ADAR: variants seen among roughly 807,000 people sequenced by gnomAD.
ADAR encodes adenosine deaminase RNA specific.
ADAR carries 41 observed loss-of-function variants against 113.2 expected under a neutral mutation model. That is an observed-to-expected ratio of 0.36 (90% CI 0.28 to 0.47). ADAR has a LOEUF of 0.47. Ranked by LOEUF, ADAR falls within the 20% of genes least tolerant of loss-of-function variation. The pLI, the probability that ADAR is intolerant of heterozygous loss-of-function variation, is 1.00. For missense variants in ADAR, 1,242 were observed against 1,540.9 expected, an observed-to-expected ratio of 0.81 and a Z score of 3.25; for synonymous variants, 605 against 572.6, an observed-to-expected ratio of 1.06 and a Z score of -0.81.
chr1:154,612,305 A>T (rs975861685), upstream of ADAR, among the ~76,000 whole-genome samples: 2 of 150,748 alleles, frequency 1.3e-5, no homozygotes, highest in Non-Finnish European at 2.9e-5. Context: ...CAAAGAAAGT[A>T]ATAAATTACT....
rs1432422003 is a variant in ADAR, at chr1:154,583,865, TG to T, written c.*940del. ...TAAGTCATGATTATCTGAGCAGAGATGATTTTATACCCTCTAGGATTTGTCC... is the reference window on the plus strand; with the variant it reads ...TAAGTCATGATTATCTGAGCAGAGATATTTTATACCCTCTAGGATTTGTCC... On this transcript the variant is annotated 3_prime_UTR_variant, in exon 15 of 15. Transcript: ENST00000368474. 1 of 152,250 alleles carries T rather than the reference TG, an allele frequency of 6.6e-6. No homozygotes were observed. The highest frequency in any genetic ancestry group is 2.4e-5 in the African/African-American group (1 of 41,462). The allele number at this position is 152,250 out of a possible 1,614,324, so 9.4% of individuals were successfully genotyped here.
At chr1:154,598,078 G>A (rs1006485770) in intron 3 of ADAR, 102 bp from the exon 4 acceptor site, 190 of 1,399,904 alleles carry the variant, frequency 1.4e-4, no homozygotes, top group Non-Finnish European at 1.8e-4. Context: ...CCCACCACCT[G>A]TCAAGGGGTT....
intron 1 of ADAR, among the ~76,000 whole-genome samples, chr1:154,607,217 GCCT>G (rs1285663975): frequency 1.3e-5 from 2 of 151,968 alleles, no homozygotes; most frequent in African/African-American, 4.8e-5. Context: ...ACAGTATGCA[GCCT>G]TTTGAGTCTG....
Position 154,590,225 on chromosome 1 carries a change from T to C in ADAR, c.2455A>G (p.Met819Val), listed in dbSNP as rs761168617. 2.5e-6 allele frequency: 4 copies of C among 1,577,842 alleles called. No individual in the cohort carries two copies. The highest frequency in any genetic ancestry group is 1.7e-5 in the Admixed American group (1 of 58,262). Residue 819 changes from methionine (M) to valine (V), a missense_variant, in exon 7 of 15, where the codon ATG becomes GTG. Coordinates refer to ENST00000368474, the MANE Select transcript of ADAR (RefSeq NM_001111.5). ...TCTGGGGACCTTGAGAGGAGGAGCATAGTTCTTCTGAGACTGGCCCCTGTC... is the reference window on the plus strand; with the variant it reads ...TCTGGGGACCTTGAGAGGAGGAGCACAGTTCTTCTGAGACTGGCCCCTGTC... ...PVTGASLRRT[M>V]LLLSRSPEAQ...
chr1:154,605,374 T>C (rs1021267607), intron 1 of ADAR, among the ~76,000 whole-genome samples: 1 of 150,510 alleles, frequency 6.6e-6, no homozygotes, highest in Non-Finnish European at 1.5e-5. Flanking sequence ...TTTCCTCTCC[T>C]TGAGCTTCTC....
At chr1:154,598,265 G>A (rs1236972469) in intron 3 of ADAR, 137 bp downstream of exon 3, 2 of 979,836 alleles carry the variant, frequency 2.0e-6, no homozygotes, top group African/African-American at 1.6e-5. Flanking sequence ...GGGCTGGCGA[G>A]ATAGGGTAGA....
At chr1:154,595,223 G>A (rs10908419) in intron 6 of ADAR, among the ~76,000 whole-genome samples, 59,250 of 152,070 alleles carry the variant, frequency 0.39, 13,310 homozygotes, top group East Asian at 0.55. Context: ...TAGGCTACAC[G>A]CTCCTTATGT....
At chr1:154,588,329 C>A in intron 10 of ADAR, 71 bp from the exon 11 acceptor site, 1 of 1,607,684 alleles carries the variant, frequency 6.2e-7, no homozygotes, top group South Asian at 1.1e-5. Flanking sequence ...CCAAAACAGT[C>A]AGATGTGACA....
intron 10 of ADAR, 66 bp from the exon 11 acceptor site, chr1:154,588,324 A>G: frequency 6.2e-7 from 1 of 1,610,872 alleles, no homozygotes; most frequent in Non-Finnish European, 8.5e-7. Flanking sequence ...GGGCTCCAAA[A>G]CAGTCAGATG....
intron 11 of ADAR, 88 bp from the exon 12 acceptor site, chr1:154,586,451 A>G: frequency 7.7e-7 from 1 of 1,299,602 alleles, no homozygotes; most frequent in African/African-American, 1.5e-5. Flanking sequence ...AGCTTGGGCC[A>G]CAGGCTACAT....
chr1:154,590,135 A>AGGC, intron 7 of ADAR, 49 bp downstream of exon 7: 58 of 1,204,892 alleles, frequency 4.8e-5, no homozygotes, highest in Non-Finnish European at 6.3e-5. Context: ...CTTAGGAGTT[A>AGGC]GGAGGACCCC....
At position 154,597,727 on chromosome 1, in the gene ADAR, G is replaced by A; in HGVS notation, c.1934+101C>T. On this transcript the variant is annotated intron_variant, in intron 4 of 14. Transcript: ENST00000368474. ...CTCCTTTCCCCATTTTGAAACAGGAGAAATTGGTCAATCTGCCATCCCTGA... is the reference window on the plus strand; with the variant it reads ...CTCCTTTCCCCATTTTGAAACAGGAAAAATTGGTCAATCTGCCATCCCTGA... The A allele has an allele frequency of 2.7e-6, 4 of 1,505,966 alleles. No individual in the cohort carries two copies. In the South Asian group the frequency reaches 4.6e-5, roughly 17 times the overall value. The allele number at this position is 1,505,966 out of a possible 1,614,324, so 93.3% of individuals were successfully genotyped here.
chr1:154,596,722 G>C, intron 6 of ADAR, 83 bp downstream of exon 6: 1 of 1,535,112 alleles, frequency 6.5e-7, no homozygotes, highest in Non-Finnish European at 9.0e-7. Context: ...GTCCTACACA[G>C]CTAAAGCACA....
At chr1:154,621,853 T>G (rs1008371226) in intron 1 of ADAR, among the ~76,000 whole-genome samples, 1 of 152,172 alleles carries the variant, frequency 6.6e-6, no homozygotes, top group Non-Finnish European at 1.5e-5. Context: ...GCCGCTTGGA[T>G]GTTTGGAGTA....
chr1:154,587,464 A>G (rs1010101955), intron 11 of ADAR, among the ~76,000 whole-genome samples: 1 of 152,138 alleles, frequency 6.6e-6, no homozygotes, highest in African/African-American at 2.4e-5. Context: ...ACATTCACAT[A>G]TTAGTTTCCG....
chr1:154,611,761 T>C (rs1378893409), upstream of ADAR, among the ~76,000 whole-genome samples: 7 of 152,320 alleles, frequency 4.6e-5, no homozygotes, highest in Non-Finnish European at 1.5e-5. Flanking sequence ...ACCCCAGATG[T>C]ATCTATACCA....
Position 154,613,549 on chromosome 1 carries a change from T to C in ADAR, c.-870-10923A>G, listed in dbSNP as rs187251075. On this transcript the variant is annotated intron_variant, in intron 1 of 14. Transcript: ENST00000368471. ...ATCCGCCTGCCTCGGCCTCCAAAAATGCTGGGATTACAGGCGTGAACCATT... is the reference window on the plus strand; with the variant it reads ...ATCCGCCTGCCTCGGCCTCCAAAAACGCTGGGATTACAGGCGTGAACCATT... 9.9e-4 allele frequency among the ~76,000 whole-genome samples: 150 copies of C among 152,238 alleles called. No homozygotes were observed. The Middle Eastern group carries it at 0.01, about 10-fold the overall frequency.
intron 1 of ADAR, among the ~76,000 whole-genome samples, chr1:154,607,445 G>C (rs1359562782): frequency 6.6e-6 from 1 of 152,154 alleles, no homozygotes; most frequent in Non-Finnish European, 1.5e-5. Context: ...ACTCCCAGAA[G>C]GCCTTCAGGA....
chr1:154,584,537 G>A lies in ADAR; in HGVS notation c.*269C>T. ...TGGACCGCAGGTGCTCAGTGACTAT[G>A]TATGCTTTGGGTAGAAAGAAAAGAT... On this transcript the variant is annotated 3_prime_UTR_variant, in exon 15 of 15. Transcript: ENST00000368474. The A allele has an allele frequency of 2.1e-6, 1 of 465,822 alleles. No homozygotes were observed. The highest frequency in any genetic ancestry group is 2.8e-5 in the South Asian group (1 of 35,640). 28.9% of individuals were successfully genotyped at this position (465,822 alleles called of 1,614,324 possible). A position where few individuals can be genotyped will look rare whatever the true frequency, so the allele number is the denominator to read the frequency against.
Sources: gnomAD v4.1 joint callset for allele counts (sites outside exome capture counted in the v4.1 genomes callset) on GRCh38, gnomAD v4.1.1 for gene constraint, MANE v1.5 for transcripts, NCBI Gene and HGNC (gene_info 2026-07-23, HGNC 2026-07-21) for gene names.